The following SRSF4 variants were observed in gnomAD, a reference collection of about 807,000 sequenced individuals.
SRSF4 encodes the protein serine/arginine-rich splicing factor 4.
A neutral mutation model predicts 48.8 loss-of-function variants in SRSF4; 12 were observed. The observed-to-expected ratio is 0.25, with a 90% CI of 0.16 to 0.40. The LOEUF (loss-of-function observed/expected upper bound fraction) is 0.40, where lower values mean the gene tolerates loss of function less well. SRSF4 is among the 10% of genes least tolerant of loss of function. The pLI is 1.00. For missense variants in SRSF4, 466 were observed against 667.1 expected, an observed-to-expected ratio of 0.70 and a Z score of 3.32; for synonymous variants, 248 against 232.5, an observed-to-expected ratio of 1.07 and a Z score of -0.61.
chr1:29,164,856 C>CCTTT (rs949056301), intron 1 of SRSF4, among the ~76,000 whole-genome samples: 1 of 152,186 alleles, frequency 6.6e-6, no homozygotes, highest in Admixed American at 6.5e-5. Context: ...AGAAGAAACT[C>CCTTT]CTTTCTTTAA....
intron 1 of SRSF4, among the ~76,000 whole-genome samples, chr1:29,161,414 G>C (rs1170688666): frequency 6.6e-6 from 1 of 152,066 alleles, no homozygotes; most frequent in Non-Finnish European, 1.5e-5. Flanking sequence ...CCATCTTATT[G>C]ATCATAACTA....
intron 3 of SRSF4, among the ~76,000 whole-genome samples, chr1:29,159,079 C>A (rs1346651604): frequency 6.6e-6 from 1 of 151,890 alleles, no homozygotes; most frequent in Non-Finnish European, 1.5e-5. Context: ...GCACTCCAGC[C>A]TGGGCAACAC....
chr1:29,154,149 GGGTTCA>G, intron 4 of SRSF4, among the ~76,000 whole-genome samples: 1 of 151,846 alleles, frequency 6.6e-6, no homozygotes, highest in South Asian at 2.1e-4. Context: ...TGCCCCTACT[GGGTTCA>G]AGCAATTTTC....
rs558022729 is a variant in SRSF4 at position 29,178,133 on chromosome 1, C to T, written c.107+3513G>A. On this transcript the variant is annotated intron_variant, in intron 1 of 5. Transcript: ENST00000373795. Reference sequence around the variant, plus strand: ...CAGGCTGGTCTCAAACCCCTGACTTCAAGTGATCCACCTACCTCGGCCTCC... The same window carrying T: ...CAGGCTGGTCTCAAACCCCTGACTTTAAGTGATCCACCTACCTCGGCCTCC... Among the ~76,000 whole-genome samples, 4 of 151,914 alleles carry T rather than the reference C, an allele frequency of 2.6e-5. No homozygotes were observed. In the South Asian group the frequency reaches 8.3e-4, roughly 32 times the overall value.
chr1:29,168,374 G>A (rs1003978859), intron 1 of SRSF4: 4 of 151,992 alleles, frequency 2.6e-5, no homozygotes, highest in African/African-American at 7.3e-5. Flanking sequence ...CCAGTCCTGT[G>A]TACAATCTTT....
intron 4 of SRSF4, among the ~76,000 whole-genome samples, chr1:29,153,830 A>G (rs556897): frequency 0.2 from 30,330 of 151,882 alleles, 3,584 homozygotes; most frequent in Non-Finnish European, 0.28. Flanking sequence ...CGAACTCCTG[A>G]CCTCAGGTGA....
chr1:29,153,154 CAG>C (rs1361492385), intron 4 of SRSF4, among the ~76,000 whole-genome samples: 12 of 151,960 alleles, frequency 7.9e-5, no homozygotes, highest in East Asian at 3.9e-4. Context: ...TTTTTTGAGA[CAG>C]AGTCTCTTTC....
chr1:29,180,650 C>T (rs968667346), intron 1 of SRSF4, among the ~76,000 whole-genome samples: 2 of 152,124 alleles, frequency 1.3e-5, no homozygotes, highest in African/African-American at 4.8e-5. Flanking sequence ...GGTTTAGTGC[C>T]CTAAAATGTC....
chr1:29,167,345 G>A (rs1044059612), intron 1 of SRSF4, among the ~76,000 whole-genome samples: 1 of 152,102 alleles, frequency 6.6e-6, no homozygotes, highest in Non-Finnish European at 1.5e-5. Flanking sequence ...ATTATTTTAG[G>A]ACTTTCTTTA....
rs75058601 is a variant in SRSF4 at position 29,163,627 on chromosome 1, G to A, written c.108-3110C>T. ...GAAGACTAGATAATAAAAATAAAAT[G>A]TTACCTCTGACTAAACAATCTCTCT... is the stretch of plus-strand genomic sequence containing the variant. On this transcript the variant is annotated intron_variant, in intron 1 of 5. Transcript: ENST00000373795. Among the ~76,000 whole-genome samples the A allele has an allele frequency of 4.6e-5, 7 of 152,238 alleles. No homozygotes were observed. In the East Asian group the frequency reaches 1.3e-3, roughly 29 times the overall value.
chr1:29,149,185 TGGCTCCGGCTCC>T lies in SRSF4; in HGVS notation c.698_709del (p.Arg233_Ser236del), dbSNP rs771583775. On this transcript the variant is annotated inframe_deletion, in exon 6 of 6. Coordinates refer to ENST00000373795, the MANE Select transcript of SRSF4 (RefSeq NM_005626.5). ...CTCTTTCTTGCTCCGGCTCCGACTC[TGGCTCCGGCTCC>T]GGCTCTTGCTCCGGGAGCGGGAGCC... 1.9e-6 allele frequency: 3 copies of T among 1,610,836 alleles called. No homozygotes were observed. Among genetic ancestry groups the T allele is most frequent in the East Asian group, 4.5e-5 (2 of 44,848 alleles).
chr1:29,179,089 T>C (rs1459949620), intron 1 of SRSF4, among the ~76,000 whole-genome samples: 1 of 152,206 alleles, frequency 6.6e-6, no homozygotes, highest in East Asian at 1.9e-4. Context: ...GGCTCTTTCC[T>C]CTTATCGCTC....
Position 29,148,003 on chromosome 1 carries a change from C to CTT in SRSF4, c.*405_*406dup, listed in dbSNP as rs1341232990. On this transcript the variant is annotated 3_prime_UTR_variant, in exon 6 of 6. Coordinates refer to ENST00000373795, the MANE Select transcript of SRSF4 (RefSeq NM_005626.5). ...AACCAAAGTGGTAGGAAACTTAAGA[C>CTT]TTAGCACTTTCACTAAATGGCATAC... is the stretch of plus-strand genomic sequence containing the variant. 4 of 450,590 alleles carry CTT rather than the reference C, an allele frequency of 8.9e-6. No individual in the cohort carries two copies. Among genetic ancestry groups the CTT allele is most frequent in the Non-Finnish European group, 1.8e-5 (4 of 222,662 alleles). 27.9% of individuals were successfully genotyped at this position (450,590 alleles called of 1,614,324 possible). A position where few individuals can be genotyped will look rare whatever the true frequency, so the allele number is the denominator to read the frequency against.
rs771677704 is a variant in SRSF4, at chr1:29,149,169, G to A, written c.726C>T (p.Ser242=). The part of the protein sequence containing the change: ...SRSRSQSRSR[S]KKEKSRSPSK... Reference sequence around the variant, plus strand: ...TGGGGCTCCTGCTTTTCTCTTTCTTGCTCCGGCTCCGACTCTGGCTCCGGC... The same window carrying A: ...TGGGGCTCCTGCTTTTCTCTTTCTTACTCCGGCTCCGACTCTGGCTCCGGC... Residue 242 remains serine (S), a synonymous_variant, in exon 6 of 6, where the codon AGC becomes AGT. Coordinates refer to ENST00000373795, the MANE Select transcript of SRSF4 (RefSeq NM_005626.5). 6.2e-7 allele frequency: 1 copy of A among 1,606,608 alleles called. No individual in the cohort carries two copies. The highest frequency in any genetic ancestry group is 1.1e-5 in the South Asian group (1 of 90,686).
At chr1:29,170,560 A>G (rs1050870990) in intron 1 of SRSF4, 4 of 151,938 alleles carry the variant, frequency 2.6e-5, no homozygotes. Context: ...CTGTTTCTTC[A>G]TTTTCATTTT....
Position 29,148,637 on chromosome 1 carries a change from A to C in SRSF4, c.1258T>G (p.Ser420Ala). The change falls in exon 6 of 6, where the codon TCT becomes GCT. Residue 420 changes from serine to alanine, a missense_variant. Coordinates refer to ENST00000373795, the MANE Select transcript of SRSF4 (RefSeq NM_005626.5). ...SVSKEREHAKSESSQREGRGE... is the reference protein window; with the variant it reads ...SVSKEREHAKAESSQREGRGE... ...CGACCTTCCCTCTGGCTGGATTCAG[A>C]CTTGGCATGTTCCCGCTCCTTTGAC... is the stretch of plus-strand genomic sequence containing the variant. 2.5e-6 allele frequency: 4 copies of C among 1,614,060 alleles called. No individual in the cohort carries two copies. The highest frequency in any genetic ancestry group is 8.5e-7 in the Non-Finnish European group (1 of 1,179,990).
At chr1:29,150,580 A>G (rs1035187110) in intron 4 of SRSF4, among the ~76,000 whole-genome samples, 2 of 152,114 alleles carry the variant, frequency 1.3e-5, no homozygotes, top group African/African-American at 4.8e-5. Context: ...TTCAATATGT[A>G]CAGCACTGGC....
intron 1 of SRSF4, chr1:29,171,664 A>T (rs1672746519): frequency 6.6e-6 from 1 of 152,164 alleles, no homozygotes; most frequent in Admixed American, 6.6e-5. Context: ...GTATTCTCTC[A>T]GATGCCTGGA....
intron 4 of SRSF4, among the ~76,000 whole-genome samples, chr1:29,150,836 C>A (rs939646300): frequency 6.6e-6 from 1 of 152,184 alleles, no homozygotes; most frequent in Non-Finnish European, 1.5e-5. Context: ...TACACACCCA[C>A]GATCATGCCT....
Sources: gnomAD v4.1 joint callset for allele counts (sites outside exome capture counted in the v4.1 genomes callset) on GRCh38, gnomAD v4.1.1 for gene constraint, MANE v1.5 for transcripts, NCBI Gene and HGNC (gene_info 2026-07-23, HGNC 2026-07-21) for gene names.